Variants in TK2 observed in about 807,000 individuals in gnomAD.
TK2 encodes thymidine kinase 2.
TK2 carries 35 observed loss-of-function variants against 41.9 expected under a neutral mutation model. The ratio of observed to expected loss-of-function variants is 0.84; its 90% CI spans 0.64 to 1.11. The LOEUF (loss-of-function observed/expected upper bound fraction) is 1.11, where lower values mean the gene tolerates loss of function less well. TK2 is among the 50% of genes least tolerant of loss of function. TK2 has a pLI of 0.00. For synonymous variants in TK2, 128 were observed against 129.1 expected (o/e 0.99, Z 0.06); for missense variants, 320 against 351.1 (o/e 0.91, Z 0.71).
intron 3 of TK2, among the ~76,000 whole-genome samples, chr16:66,540,173 C>CTTTTTTTTT (rs200305417): frequency 4.8e-4 from 63 of 130,744 alleles, no homozygotes; most frequent in East Asian, 1.8e-3. Flanking sequence ...TTTCTTTTTT[C>CTTTTTTTTT]TTTTTTTTTT....
chr16:66,522,421 T>A (rs1307054891), intron 6 of TK2, among the ~76,000 whole-genome samples: 3 of 152,144 alleles, frequency 2.0e-5, no homozygotes, highest in Admixed American at 2.0e-4. Flanking sequence ...CGCCCTCACT[T>A]CTGTTCTTAG....
rs1329781357 is a variant in TK2, at chr16:66,548,835, G to A, written c.156+143C>T. On this transcript the variant is annotated intron_variant, in intron 2 of 9. Coordinates refer to ENST00000544898, the MANE Select transcript of TK2 (RefSeq NM_004614.5). Reference sequence around the variant, plus strand: ...AACAGAGGTGGCCTTCTAGGAGGGTGACAGACTTCCTTCTCCCTGGAGATC... The same window carrying A: ...AACAGAGGTGGCCTTCTAGGAGGGTAACAGACTTCCTTCTCCCTGGAGATC... The A allele has an allele frequency of 4.2e-5, 34 of 801,352 alleles. No individual in the cohort carries two copies. In the South Asian group the frequency reaches 4.9e-4, roughly 12 times the overall value. 49.6% of individuals were successfully genotyped at this position (801,352 alleles called of 1,614,324 possible).
chr16:66,521,995 C>G (rs1003096355), intron 6 of TK2, among the ~76,000 whole-genome samples: 2 of 152,208 alleles, frequency 1.3e-5, no homozygotes, highest in African/African-American at 4.8e-5. Context: ...ACGTTATTTC[C>G]TTTTGTTTTC....
At chr16:66,544,944 A>G (rs1265368325) in intron 2 of TK2, among the ~76,000 whole-genome samples, 3 of 151,896 alleles carry the variant, frequency 2.0e-5, no homozygotes, top group Non-Finnish European at 4.4e-5. Flanking sequence ...AAAATTAGCC[A>G]GGCGTGGTGG....
intron 4 of TK2, among the ~76,000 whole-genome samples, chr16:66,534,359 G>C (rs1965213506): frequency 6.6e-6 from 1 of 152,210 alleles, no homozygotes; most frequent in African/African-American, 2.4e-5. Flanking sequence ...AATGGTCTTT[G>C]AGCCCTCTGT....
chr16:66,543,806 G>C (rs1965527976), intron 2 of TK2, among the ~76,000 whole-genome samples: 1 of 152,082 alleles, frequency 6.6e-6, no homozygotes, highest in African/African-American at 2.4e-5. Flanking sequence ...GGCGGAGAAG[G>C]TTCCTCCTGC....
rs918596846 is a variant in TK2 at position 66,509,253 on chromosome 16, A to G, written c.*2715T>C. The G allele has an allele frequency of 6.6e-6, 1 of 152,356 alleles. No individual in the cohort carries two copies. Among genetic ancestry groups the G allele is most frequent in the Non-Finnish European group, 1.5e-5 (1 of 68,150 alleles). The allele number at this position is 152,356 out of a possible 1,614,324, so 9.4% of individuals were successfully genotyped here. A position where few individuals can be genotyped will look rare whatever the true frequency, so the allele number is the denominator to read the frequency against. On this transcript the variant is annotated 3_prime_UTR_variant, in exon 10 of 10. Coordinates refer to ENST00000544898, the MANE Select transcript of TK2 (RefSeq NM_004614.5). ...GCAGGAGCTCCAGCTGCCATCCTGGACAGTCAGGCCCCAGAGGAAGGAAGC... is the reference window on the plus strand; with the variant it reads ...GCAGGAGCTCCAGCTGCCATCCTGGGCAGTCAGGCCCCAGAGGAAGGAAGC...
intron 2 of TK2, among the ~76,000 whole-genome samples, chr16:66,543,684 T>C (rs925919339): frequency 2.1e-4 from 32 of 152,108 alleles, no homozygotes; most frequent in Admixed American, 1.8e-3. Context: ...CCAGGCCCCT[T>C]CTCACGACTC....
intron 3 of TK2, among the ~76,000 whole-genome samples, chr16:66,538,475 C>T (rs946097577): frequency 3.3e-5 from 5 of 152,254 alleles, no homozygotes; most frequent in East Asian, 1.9e-4. Context: ...CCTTGCTCCC[C>T]GACCCAGCTC....
intron 2 of TK2, 45 bp downstream of exon 2, chr16:66,548,933 A>C: frequency 6.3e-7 from 1 of 1,597,262 alleles, no homozygotes; most frequent in Non-Finnish European, 8.6e-7. Context: ...CTCCTCTTCA[A>C]AAAACCAAAT....
At position 66,517,911 on chromosome 16, in the gene TK2, A is replaced by C. The variant is rs1416907605; in HGVS notation, c.450-34T>G. 8 of 1,581,562 alleles carry C rather than the reference A, an allele frequency of 5.1e-6. No homozygotes were observed. The highest frequency in any genetic ancestry group is 7.0e-6 in the Non-Finnish European group (8 of 1,150,442). ...AGAGTTGTAAGGGCTTATTCACCTAAGAGAAAACTTCTGGGCTATGCAATT... is the reference window on the plus strand; with the variant it reads ...AGAGTTGTAAGGGCTTATTCACCTACGAGAAAACTTCTGGGCTATGCAATT... On this transcript the variant is annotated intron_variant, in intron 6 of 9. Coordinates refer to ENST00000544898, the MANE Select transcript of TK2 (RefSeq NM_004614.5). This position sits in a 1 kb window ranked among gnomAD's most constrained non-coding sequence, Gnocchi z 4.3.
At chr16:66,541,265 T>C (rs1280413548) in intron 3 of TK2, among the ~76,000 whole-genome samples, 1 of 152,188 alleles carries the variant, frequency 6.6e-6, no homozygotes, top group Non-Finnish European at 1.5e-5. Context: ...GTCTCAAGCA[T>C]TTCAGATAAG....
At chr16:66,548,818 T>C in intron 2 of TK2, 160 bp downstream of exon 2, 1 of 688,568 alleles carries the variant, frequency 1.5e-6, no homozygotes, top group South Asian at 1.7e-5. Context: ...GTAACAGAGG[T>C]GGCCTTCTAG....
intron 6 of TK2, among the ~76,000 whole-genome samples, chr16:66,526,380 C>T (rs2144389563): frequency 6.6e-6 from 1 of 152,276 alleles, no homozygotes; most frequent in Admixed American, 6.5e-5. Context: ...AACCCAGGCC[C>T]ACCAAATGCC....
intron 3 of TK2, among the ~76,000 whole-genome samples, chr16:66,537,660 G>C (rs971789769): frequency 6.6e-6 from 1 of 152,224 alleles, no homozygotes; most frequent in Non-Finnish European, 1.5e-5. Flanking sequence ...GCCTCCATCT[G>C]TGGTCTAGAC....
chr16:66,547,511 T>C (rs1405642546), intron 2 of TK2, among the ~76,000 whole-genome samples: 1 of 152,100 alleles, frequency 6.6e-6, no homozygotes, highest in Non-Finnish European at 1.5e-5. Flanking sequence ...TTCTGTGACT[T>C]GTACCTGTTC....
At chr16:66,540,173 CTT>C (rs200305417) in intron 3 of TK2, among the ~76,000 whole-genome samples, 56 of 130,718 alleles carry the variant, frequency 4.3e-4, no homozygotes, top group Middle Eastern at 4.0e-3. Context: ...TTTCTTTTTT[CTT>C]TTTTTTTTTT....
chr16:66,538,215 G>A (rs879406744), intron 3 of TK2, among the ~76,000 whole-genome samples: 7 of 152,022 alleles, frequency 4.6e-5, no homozygotes, highest in Non-Finnish European at 1.0e-4. Context: ...GACCTCAAGT[G>A]ATCCACCCTC....
In TK2 at chr16:66,541,867, T is replaced by C. The variant is rs547418818; in HGVS notation, c.231+12A>G. 24 of 1,614,106 alleles carry C rather than the reference T, an allele frequency of 1.5e-5. No individual in the cohort carries two copies. In the East Asian group the frequency reaches 4.2e-4, roughly 28 times the overall value. ...TTCTCCGCTTCCTTCAAACCTAGCA[T>C]AGAGGCTGTACCTCGACGTCTGTCG... On this transcript the variant is annotated intron_variant, in intron 3 of 9. Coordinates refer to ENST00000544898, the MANE Select transcript of TK2 (RefSeq NM_004614.5).
Sources: allele counts gnomAD v4.1 joint callset (sites outside exome capture counted in the v4.1 genomes callset), GRCh38; gene constraint gnomAD v4.1.1; non-coding constraint Gnocchi (gnomAD v3.1); transcripts MANE v1.5; gene names NCBI Gene and HGNC (gene_info 2026-07-23, HGNC 2026-07-21).